The following ATM variants were observed in gnomAD, a reference collection of about 807,000 sequenced individuals.
ATM encodes the protein serine-protein kinase ATM.
In ATM, 308 loss-of-function variants were observed where a neutral mutation model predicts 387.0. That is an observed-to-expected ratio of 0.80 (90% CI 0.73 to 0.87). The LOEUF (loss-of-function observed/expected upper bound fraction) is 0.87. Ranked by LOEUF, ATM falls within the 40% of genes least tolerant of loss-of-function variation. The pLI is 0.00. For synonymous variants in ATM, 1,156 were observed against 1,187.3 expected (o/e 0.97, Z 0.54); for missense variants, 3,312 against 3,560.9 (o/e 0.93, Z 1.78).
At chr11:108,260,951 A>G (rs1349993927) in intron 16 of ATM, among the ~76,000 whole-genome samples, 1 of 152,176 alleles carries the variant, frequency 6.6e-6, no homozygotes, top group Non-Finnish European at 1.5e-5. Flanking sequence ...ACGGCGCACC[A>G]CGAGATTATA....
intron 4 of ATM, chr11:108,231,413 G>T (rs2079005324): frequency 6.6e-6 from 1 of 152,034 alleles, no homozygotes; most frequent in Admixed American, 6.6e-5. Context: ...AGAATCAGGA[G>T]TGTGAGGCGC....
At chr11:108,312,964 C>A (rs1157474268) in intron 40 of ATM, among the ~76,000 whole-genome samples, 1 of 152,166 alleles carries the variant, frequency 6.6e-6, no homozygotes, top group Non-Finnish European at 1.5e-5. Flanking sequence ...TCCACAATGA[C>A]AATTTCAGCT....
intron 16 of ATM, among the ~76,000 whole-genome samples, chr11:108,260,432 T>A (rs1447040481): frequency 6.6e-6 from 1 of 152,208 alleles, no homozygotes; most frequent in African/African-American, 2.4e-5. Context: ...TTTGTCTATT[T>A]GTATTTGTGT....
intron 40 of ATM, among the ~76,000 whole-genome samples, chr11:108,315,180 A>G (rs1234578513): frequency 6.6e-6 from 1 of 152,256 alleles, no homozygotes; most frequent in African/African-American, 2.4e-5. Context: ...TTAGTGTCAC[A>G]TGGCATTTTA....
chr11:108,345,691 G>C (rs2137019771), intron 57 of ATM, 52 bp from the exon 58 acceptor site: 2 of 1,372,180 alleles, frequency 1.5e-6, no homozygotes, highest in Non-Finnish European at 2.0e-6. Context: ...GTGTATATTA[G>C]TTTAATTGAA....
At chr11:108,321,443 T>C in intron 45 of ATM, 23 bp downstream of exon 45, 1 of 1,613,904 alleles carries the variant, frequency 6.2e-7, no homozygotes, top group Non-Finnish European at 8.5e-7. Flanking sequence ...TATGACTTTG[T>C]TATCCTAAAG....
At position 108,327,561 on chromosome 11, in the gene ATM, C is replaced by T. The variant is rs2085795315; in HGVS notation, c.6976-84C>T. 3.5e-6 allele frequency: 4 copies of T among 1,143,334 alleles called. No homozygotes were observed. The South Asian group carries it at 4.0e-5, about 11-fold the overall frequency. 70.8% of individuals were successfully genotyped at this position (1,143,334 alleles called of 1,614,324 possible). On this transcript the variant is annotated intron_variant, in intron 47 of 62. Transcript: ENST00000675843. Reference sequence around the variant, plus strand: ...CCCACCAAGGAAAAACATTTTTAACCTGCTTTTTTCCCCGTACATGAAGGG... The same window carrying T: ...CCCACCAAGGAAAAACATTTTTAACTTGCTTTTTTCCCCGTACATGAAGGG...
At chr11:108,325,214 TATA>T (rs2085523252) in intron 45 of ATM, 93 bp from the exon 46 acceptor site, 7 of 834,082 alleles carry the variant, frequency 8.4e-6, no homozygotes, top group Middle Eastern at 3.3e-4. Context: ...TTTGTATTAT[TATA>T]ATATTATATC....
intron 8 of ATM, 113 bp downstream of exon 8, chr11:108,247,240 CTG>C: frequency 1.0e-6 from 1 of 956,664 alleles, no homozygotes; most frequent in Non-Finnish European, 1.7e-6. Context: ...TAAAATGACT[CTG>C]TACATGCAAC....
intron 56 of ATM, chr11:108,336,189 T>C (rs960162793): frequency 1.4e-5 from 6 of 435,570 alleles, no homozygotes; most frequent in African/African-American, 1.2e-4. Context: ...TGTAGTCCCT[T>C]AGCTACATGG....
At chr11:108,302,798 A>C (rs1464575885) in intron 35 of ATM, 55 bp from the exon 36 acceptor site, 5 of 1,487,492 alleles carry the variant, frequency 3.4e-6, no homozygotes, top group Non-Finnish European at 4.7e-6. Context: ...TGTGTAGGAA[A>C]GGTACAATGA....
chr11:108,300,798 C>G (rs1383155578), intron 34 of ATM, among the ~76,000 whole-genome samples: 1 of 150,780 alleles, frequency 6.6e-6, no homozygotes, highest in African/African-American at 2.4e-5. Context: ...CATATAGTAT[C>G]TATATTTTAT....
At position 108,282,810 on chromosome 11, in the gene ATM, A is replaced by T. The variant is rs1555092445; in HGVS notation, c.3677A>T (p.Asp1226Val). 1 of 1,565,134 alleles carries T rather than the reference A, an allele frequency of 6.4e-7. No individual in the cohort carries two copies. Among genetic ancestry groups the T allele is most frequent in the Non-Finnish European group, 8.8e-7 (1 of 1,136,088 alleles). Residue 1226 changes from aspartate to valine, a missense_variant, in exon 25 of 63, where the codon GAT (aspartate) becomes GTT (valine). Physicochemically the swap from Asp to Val is radical, Grantham distance 152. Transcript: ENST00000675843. ...YLVLEWLNLQ[D>V]TEYNLSSFPF... ...GTTTTGGAATGGCTAAATCTTCAAG[A>T]TACTGAATACAACTTATCTTCTTTT...
At chr11:108,286,005 TCA>T (rs2082470926) in intron 26 of ATM, among the ~76,000 whole-genome samples, 1 of 152,184 alleles carries the variant, frequency 6.6e-6, no homozygotes. Context: ...AAAAATTAAA[TCA>T]CAGTTTCTTA....
intron 42 of ATM, among the ~76,000 whole-genome samples, chr11:108,316,849 C>T (rs1451739331): frequency 6.6e-6 from 1 of 151,714 alleles, no homozygotes; most frequent in Non-Finnish European, 1.5e-5. Flanking sequence ...TGGCGTGAAC[C>T]TGGGAGGCAG....
At chr11:108,329,533 C>A (rs1487758120) in intron 49 of ATM, among the ~76,000 whole-genome samples, 1 of 152,048 alleles carries the variant, frequency 6.6e-6, no homozygotes, top group Non-Finnish European at 1.5e-5. Context: ...TCCCCCTGAG[C>A]CCCCGAAATA....
intron 37 of ATM, among the ~76,000 whole-genome samples, chr11:108,305,600 C>T (rs2083649621): frequency 6.6e-6 from 1 of 151,818 alleles, no homozygotes; most frequent in Admixed American, 6.6e-5. Flanking sequence ...AGAAAAAAAA[C>T]CCTTTGTATA....
intron 16 of ATM, among the ~76,000 whole-genome samples, chr11:108,261,531 G>GA (rs1216288574): frequency 2.6e-5 from 4 of 152,026 alleles, no homozygotes; most frequent in Non-Finnish European, 4.4e-5. Flanking sequence ...CAAAGATGGG[G>GA]AAAAAACAGA....
chr11:108,339,918 A>G (rs1439848024), intron 56 of ATM, among the ~76,000 whole-genome samples: 3 of 152,182 alleles, frequency 2.0e-5, no homozygotes, highest in African/African-American at 7.2e-5. Flanking sequence ...GAAATCAGAA[A>G]GGCCATGAGA....
Sources: allele counts gnomAD v4.1 joint callset (sites outside exome capture counted in the v4.1 genomes callset), GRCh38; gene constraint gnomAD v4.1.1; transcripts MANE v1.5; gene names NCBI Gene and HGNC (gene_info 2026-07-23, HGNC 2026-07-21).